The following HHIPL1 variants were observed in gnomAD, a reference collection of about 807,000 sequenced individuals.
HHIPL1 encodes HHIP like 1, also known as HHIP-like protein 1.
In HHIPL1, 43 loss-of-function variants were observed where a neutral mutation model predicts 61.8. The observed-to-expected ratio is 0.70, with a 90% CI of 0.55 to 0.90. HHIPL1 has a LOEUF of 0.90. Among genes scored for constraint, HHIPL1 ranks in the 40% least tolerant of loss-of-function variants. HHIPL1 has a pLI of 0.00. For synonymous variants in HHIPL1, 482 were observed against 515.8 expected (o/e 0.93, Z 0.89); for missense variants, 1,056 against 1,157.7 (o/e 0.91, Z 1.28).
In HHIPL1 at chr14:99,677,269, G is replaced by C. The variant is rs961836283; in HGVS notation, c.*1643G>C. ...AGTTTGAATACAGCAGCTTAGTTTA[G>C]AGTCCCCGCACCCTAACCACTGCCC... On this transcript the variant is annotated 3_prime_UTR_variant, in exon 9 of 9. Transcript: ENST00000330710. The surrounding 1 kb of genome is among the most constrained non-coding windows in gnomAD (Gnocchi z 4.3). 2.6e-5 allele frequency: 4 copies of C among 152,376 alleles called. No homozygotes were observed. Among genetic ancestry groups the C allele is most frequent in the Admixed American group, 2.0e-4 (3 of 15,314 alleles). 9.4% of individuals were successfully genotyped at this position (152,376 alleles called of 1,614,324 possible). A position where few individuals can be genotyped will look rare whatever the true frequency, so the allele number is the denominator to read the frequency against.
chr14:99,613,336 T>A, the HHIPL1 span, among the ~76,000 whole-genome samples: 1 of 151,190 alleles, frequency 6.6e-6, no homozygotes, highest in African/African-American at 2.4e-5. Context: ...TTTTAATTAA[T>A]TTTTTTTTAG....
the HHIPL1 span, among the ~76,000 whole-genome samples, chr14:99,613,438 A>G: frequency 9.3e-5 from 14 of 150,586 alleles, no homozygotes; most frequent in African/African-American, 1.5e-4. Flanking sequence ...CAATTCTCAC[A>G]CCTCGACCTC....
chr14:99,632,517 C>T, the HHIPL1 span, among the ~76,000 whole-genome samples: 2 of 152,206 alleles, frequency 1.3e-5, no homozygotes, highest in Admixed American at 1.3e-4. Context: ...TCTAAATAGG[C>T]TCCCATTTGA....
chr14:99,678,644 A>G lies in HHIPL1; in HGVS notation c.*3018A>G, dbSNP rs2140102125. On this transcript the variant is annotated 3_prime_UTR_variant, in exon 9 of 9. Transcript: ENST00000330710. ...AGGAAAAGAGGAAGTTGCTTACGAAAGGACTTAGAAAAGTAATAATATTCC... is the reference window on the plus strand; with the variant it reads ...AGGAAAAGAGGAAGTTGCTTACGAAGGGACTTAGAAAAGTAATAATATTCC... 6.6e-6 allele frequency: 1 copy of G among 152,382 alleles called. No homozygotes were observed. The highest frequency in any genetic ancestry group is 2.1e-4 in the South Asian group (1 of 4,830). 9.4% of individuals were successfully genotyped at this position (152,382 alleles called of 1,614,324 possible).
At chr14:99,640,561 A>G (rs1422201507), upstream of HHIPL1, among the ~76,000 whole-genome samples, 1 of 152,236 alleles carries the variant, frequency 6.6e-6, no homozygotes, top group Non-Finnish European at 1.5e-5. Context: ...CTGGAATATC[A>G]GGGGTGAGCC....
chr14:99,626,230 C>T, the HHIPL1 span, among the ~76,000 whole-genome samples: 2 of 151,826 alleles, frequency 1.3e-5, no homozygotes, highest in Non-Finnish European at 2.9e-5. Flanking sequence ...AGAATGCTTG[C>T]TGGCCATGGG....
At chr14:99,651,337 T>A (rs1193380380) in intron 1 of HHIPL1, among the ~76,000 whole-genome samples, 1 of 152,094 alleles carries the variant, frequency 6.6e-6, no homozygotes, top group Non-Finnish European at 1.5e-5. Flanking sequence ...GGGCTCACAG[T>A]TCTGCAGGAT....
intron 1 of HHIPL1, among the ~76,000 whole-genome samples, chr14:99,646,113 C>T (rs1341660811): frequency 6.6e-6 from 1 of 152,282 alleles, no homozygotes; most frequent in Non-Finnish European, 1.5e-5. Flanking sequence ...CTGGGCCCCC[C>T]ATCTTCCCTC....
chr14:99,652,476 A>C lies in HHIPL1; in HGVS notation c.508A>C (p.Asn170His). ...GCTGGTCAACAAGAACCTCAACTCA[A>C]ACCTGGGCCACGTGGTAGCCGATGC... ...YLLVNKNLNS[N>H]LGHVVADAKG... Residue 170 changes from asparagine (N) to histidine (H), a missense_variant, in exon 2 of 9, where the codon AAC becomes CAC. Coordinates refer to ENST00000330710, the MANE Select transcript of HHIPL1 (RefSeq NM_001127258.3). 4 of 1,613,966 alleles carry C rather than the reference A, an allele frequency of 2.5e-6. No homozygotes were observed. The highest frequency in any genetic ancestry group is 3.4e-6 in the Non-Finnish European group (4 of 1,180,006).
In HHIPL1 at chr14:99,668,966, C is replaced by T; in HGVS notation, c.1730+663C>T. 6.3e-7 allele frequency: 1 copy of T among 1,590,878 alleles called. No homozygotes were observed. The highest frequency in any genetic ancestry group is 8.6e-7 in the Non-Finnish European group (1 of 1,166,204). ...GAAGTCATGGGCCTGGGGCCCAGGGCCAGGGTGGGGCCCAGGCCACTGGCT... is the reference window on the plus strand; with the variant it reads ...GAAGTCATGGGCCTGGGGCCCAGGGTCAGGGTGGGGCCCAGGCCACTGGCT... On this transcript the variant is annotated intron_variant, in intron 7 of 8. Transcript: ENST00000330710. This position sits in a 1 kb window ranked among gnomAD's most constrained non-coding sequence, Gnocchi z 4.7.
chr14:99,669,624 T>C (rs1446191854), intron 7 of HHIPL1, among the ~76,000 whole-genome samples: 7 of 152,206 alleles, frequency 4.6e-5, no homozygotes, highest in African/African-American at 2.4e-5. Context: ...AAAACACTTA[T>C]TGTGCTTAAA....
intron 3 of HHIPL1, among the ~76,000 whole-genome samples, chr14:99,658,095 T>C (rs1405851235): frequency 6.6e-6 from 1 of 152,198 alleles, no homozygotes; most frequent in Non-Finnish European, 1.5e-5. Flanking sequence ...GCAAGTATGA[T>C]GTTGATTACA....
At chr14:99,647,747 G>A (rs2055864963) in intron 1 of HHIPL1, among the ~76,000 whole-genome samples, 1 of 152,198 alleles carries the variant, frequency 6.6e-6, no homozygotes, top group Non-Finnish European at 1.5e-5. Context: ...ACACGGGGAG[G>A]TGGTGGAGGT....
intron 5 of HHIPL1, among the ~76,000 whole-genome samples, chr14:99,661,804 G>A (rs914757843): frequency 6.6e-6 from 1 of 152,136 alleles, no homozygotes; most frequent in Non-Finnish European, 1.5e-5. Context: ...TCCTCTGGCA[G>A]CAGCCGAATA....
At position 99,668,711 on chromosome 14, in the gene HHIPL1, A is replaced by T; in HGVS notation, c.1730+408A>T. On this transcript the variant is annotated intron_variant, in intron 7 of 8. Transcript: ENST00000330710. This position sits in a 1 kb window ranked among gnomAD's most constrained non-coding sequence, Gnocchi z 4.7. Reference sequence around the variant, plus strand: ...TTGCCTCTGTGATGCCTCCCAGATGACACCCTGATCCCTGTGTGTCCCCGC... The same window carrying T: ...TTGCCTCTGTGATGCCTCCCAGATGTCACCCTGATCCCTGTGTGTCCCCGC... 1.1e-6 allele frequency: 1 copy of T among 906,996 alleles called. No homozygotes were observed. Among genetic ancestry groups the T allele is most frequent in the Non-Finnish European group, 1.6e-6 (1 of 620,320 alleles). The allele number at this position is 906,996 out of a possible 1,614,324, so 56.2% of individuals were successfully genotyped here.
the HHIPL1 span, among the ~76,000 whole-genome samples, chr14:99,616,821 G>A: frequency 6.6e-6 from 1 of 152,156 alleles, no homozygotes; most frequent in African/African-American, 2.4e-5. Context: ...TGGGGGAAAA[G>A]GATTTCCTGC....
chr14:99,630,657 C>T, the HHIPL1 span, among the ~76,000 whole-genome samples: 1 of 152,236 alleles, frequency 6.6e-6, no homozygotes, highest in Non-Finnish European at 1.5e-5. Flanking sequence ...CAGCACATAG[C>T]ATGTGGGTCT....
At chr14:99,634,132 CT>C in the HHIPL1 span, among the ~76,000 whole-genome samples, 3 of 152,194 alleles carry the variant, frequency 2.0e-5, no homozygotes, top group African/African-American at 7.2e-5. Context: ...CGAGGTCCCC[CT>C]GGAGACCTGA....
chr14:99,674,964 G>A (rs564820459), intron 8 of HHIPL1, 127 bp from the exon 9 acceptor site: 2 of 392,814 alleles, frequency 5.1e-6, no homozygotes, highest in South Asian at 2.1e-4. Flanking sequence ...GTGAGTGCAG[G>A]ACAGACCCAG....
Sources: allele counts gnomAD v4.1 joint callset (sites outside exome capture counted in the v4.1 genomes callset), GRCh38; gene constraint gnomAD v4.1.1; non-coding constraint Gnocchi (gnomAD v3.1); transcripts MANE v1.5; gene names NCBI Gene and HGNC (gene_info 2026-07-23, HGNC 2026-07-21).